GRM8: variants seen among roughly 807,000 people sequenced by gnomAD.
GRM8 encodes metabotropic glutamate receptor 8.
In GRM8, 47 loss-of-function variants were observed where a neutral mutation model predicts 87.2. The ratio of observed to expected loss-of-function variants is 0.54; its 90% CI spans 0.43 to 0.69. The LOEUF (loss-of-function observed/expected upper bound fraction) is 0.69, where lower values mean the gene tolerates loss of function less well. Among genes scored for constraint, GRM8 ranks in the 30% least tolerant of loss-of-function variants. GRM8 has a pLI of 0.00. For missense variants in GRM8, 1,019 were observed against 1,139.2 expected, an observed-to-expected ratio of 0.89 and a Z score of 1.52; for synonymous variants, 396 against 404.5, an observed-to-expected ratio of 0.98 and a Z score of 0.25.
In GRM8 at chr7:127,242,768, T is replaced by C; in HGVS notation, c.437A>G (p.Lys146Arg). 7 of 1,614,188 alleles carry C rather than the reference T, an allele frequency of 4.3e-6. No individual in the cohort carries two copies. Among genetic ancestry groups the C allele is most frequent in the Non-Finnish European group, 5.1e-6 (6 of 1,180,004 alleles). ...TGCAGCACCTATGACGCCAGAAATCTTGTCGGGCTTGGTGAAAATGGGTGG... is the reference window on the plus strand; with the variant it reads ...TGCAGCACCTATGACGCCAGAAATCCTGTCGGGCTTGGTGAAAATGGGTGG... Reference protein sequence around the residue: ...GDPPIFTKPDKISGVIGAAAS... With the variant: ...GDPPIFTKPDRISGVIGAAAS... The change falls in exon 2 of 11, where the codon AAG becomes AGG. Residue 146 changes from lysine to arginine, a missense_variant. By Grantham distance (26) the Lys-to-Arg change is conservative. Transcript: ENST00000339582.
At chr7:126,537,309 A>C (rs1431321608) in intron 8 of GRM8, among the ~76,000 whole-genome samples, 2 of 152,202 alleles carry the variant, frequency 1.3e-5, no homozygotes, top group Non-Finnish European at 2.9e-5. Context: ...ATTTTCATCA[A>C]GGAATCTTTG....
Position 127,134,574 on chromosome 7 carries a change from A to T in GRM8, c.511-27862T>A, listed in dbSNP as rs150316623. On this transcript the variant is annotated intron_variant, in intron 2 of 10. Coordinates refer to ENST00000339582, the MANE Select transcript of GRM8 (RefSeq NM_000845.3). ...GTAAAGATGGTCAAAATATTAATAG[A>T]ATTTGAATTGTAGGAAAGGCAAAAC... Among the ~76,000 whole-genome samples, 8 of 152,332 alleles carry T rather than the reference A, an allele frequency of 5.3e-5. No individual in the cohort carries two copies. In the East Asian group the frequency reaches 1.5e-3, roughly 29 times the overall value.
chr7:127,162,628 T>A (rs1793187635), intron 2 of GRM8, among the ~76,000 whole-genome samples: 1 of 152,170 alleles, frequency 6.6e-6, no homozygotes, highest in Admixed American at 6.5e-5. Context: ...TTTATTTAAC[T>A]AGGCTCTGGA....
chr7:126,680,735 G>C (rs554611347), intron 7 of GRM8, among the ~76,000 whole-genome samples: 1 of 152,196 alleles, frequency 6.6e-6, no homozygotes, highest in Non-Finnish European at 1.5e-5. Context: ...TTGCTTAGGA[G>C]AATGTAAGAA....
chr7:126,827,998 A>G (rs1794988409), intron 6 of GRM8, among the ~76,000 whole-genome samples: 1 of 152,172 alleles, frequency 6.6e-6, no homozygotes, highest in Admixed American at 6.5e-5. Flanking sequence ...GGTTCTGTTT[A>G]TATGCTGGAT....
intron 2 of GRM8, chr7:127,228,799 A>G (rs2116787569): frequency 1.3e-5 from 2 of 152,336 alleles, no homozygotes; most frequent in African/African-American, 4.8e-5. Context: ...GGTTGTTTAA[A>G]ACAAAGTACA....
At position 127,252,855 on chromosome 7, in the gene GRM8, A is replaced by AGCG. The variant is rs1012925837; in HGVS notation, c.-373_-371dup. The AGCG allele has an allele frequency of 1.8e-5, 4 of 218,966 alleles. No individual in the cohort carries two copies. Among genetic ancestry groups the AGCG allele is most frequent in the African/African-American group, 7.2e-5 (3 of 41,910 alleles). 13.6% of individuals were successfully genotyped at this position (218,966 alleles called of 1,614,324 possible). Reference sequence around the variant, plus strand: ...CGCCGGGGGCCCGCAGCTCCATGTCAGCGCCGCCGCCGCCGCCGCCGCCGC... The same window carrying AGCG: ...CGCCGGGGGCCCGCAGCTCCATGTCAGCGGCGCCGCCGCCGCCGCCGCCGCCGC... On this transcript the variant is annotated 5_prime_UTR_variant, in exon 1 of 11. Coordinates refer to ENST00000339582, the MANE Select transcript of GRM8 (RefSeq NM_000845.3). The surrounding 1 kb of genome is among the most constrained non-coding windows in gnomAD (Gnocchi z 4.9).
intron 6 of GRM8, among the ~76,000 whole-genome samples, chr7:126,799,279 A>C (rs1822364546): frequency 6.6e-6 from 1 of 152,086 alleles, no homozygotes; most frequent in Non-Finnish European, 1.5e-5. Flanking sequence ...CCACTCCAGC[A>C]TTTAGTGGAA....
chr7:126,768,926 G>GCAAAAAAAAAAAAAAAA (rs1554485593), intron 7 of GRM8, among the ~76,000 whole-genome samples: 13 of 70,968 alleles, frequency 1.8e-4, no homozygotes, highest in African/African-American at 5.8e-4. Context: ...AAGGAAAAAT[G>GCAAAAAAAAAAAAAAAA]CAAAAAAAAA....
At chr7:127,004,080 T>C (rs1242630106) in intron 3 of GRM8, among the ~76,000 whole-genome samples, 2 of 151,736 alleles carry the variant, frequency 1.3e-5, no homozygotes, top group South Asian at 4.1e-4. Context: ...GTACTCAAAC[T>C]AGGCGAATCC....
In GRM8 at chr7:126,695,070, T is replaced by C. The variant is rs79220374; in HGVS notation, c.1357+74795A>G. Among the ~76,000 whole-genome samples the C allele has an allele frequency of 4.3e-3, 655 of 152,276 alleles. 24 individuals carry two copies. In the East Asian group the frequency reaches 0.084, roughly 19 times the overall value. ...TTAAGCATCTCAGTTTGTACTAGGATTGCATTGATGGGTGGCTTTTCCAAC... is the reference window on the plus strand; with the variant it reads ...TTAAGCATCTCAGTTTGTACTAGGACTGCATTGATGGGTGGCTTTTCCAAC... On this transcript the variant is annotated intron_variant, in intron 7 of 10. Coordinates refer to ENST00000339582, the MANE Select transcript of GRM8 (RefSeq NM_000845.3).
intron 7 of GRM8, among the ~76,000 whole-genome samples, chr7:126,725,205 T>A (rs973534026): frequency 6.6e-6 from 1 of 152,194 alleles, no homozygotes; most frequent in Non-Finnish European, 1.5e-5. Flanking sequence ...AAGAAAGTGA[T>A]CTGTGTGTCA....
rs148696011 is a variant in GRM8, at chr7:126,750,977, T to C, written c.1357+18888A>G. On this transcript the variant is annotated intron_variant, in intron 7 of 10. Coordinates refer to ENST00000339582, the MANE Select transcript of GRM8 (RefSeq NM_000845.3). ...TCCTGGCTTCACCACTTAACTTGTA[T>C]GGGTACTAGATGTATGCTTCAGTTT... Among the ~76,000 whole-genome samples, 798 of 152,226 alleles carry C rather than the reference T, an allele frequency of 5.2e-3. 12 individuals carry two copies. The highest frequency in any genetic ancestry group is 0.018 in the African/African-American group (753 of 41,564).
At chr7:126,761,246 A>G (rs1415258652) in intron 7 of GRM8, among the ~76,000 whole-genome samples, 3 of 125,222 alleles carry the variant, frequency 2.4e-5, no homozygotes, top group Admixed American at 7.9e-5. Flanking sequence ...AGTAGTGTCA[A>G]GTTGATATAT....
intron 9 of GRM8, among the ~76,000 whole-genome samples, chr7:126,516,348 C>A (rs1812160608): frequency 6.6e-6 from 1 of 152,034 alleles, no homozygotes; most frequent in Non-Finnish European, 1.5e-5. Flanking sequence ...AAACCCTGAA[C>A]ATTGTTCCTC....
At position 126,902,655 on chromosome 7, in the gene GRM8, C is replaced by T. The variant is rs758371200; in HGVS notation, c.1043G>A (p.Arg348Gln). The T allele has an allele frequency of 2.3e-5, 37 of 1,606,230 alleles. 1 individual carries two copies. In the South Asian group the frequency reaches 3.1e-4, roughly 14 times the overall value. ...IDGFDRYFRS[R>Q]TLANNRRNVW... ...ATTTCTTCGATTATTGGCAAGAGTT[C>T]GGCTTCTAAAGTATCGATCAAATCC... The change falls in exon 6 of 11, where the codon CGA (arginine) becomes CAA (glutamine). Residue 348 changes from arginine to glutamine, a missense_variant. Coordinates refer to ENST00000339582, the MANE Select transcript of GRM8 (RefSeq NM_000845.3).
chr7:126,755,587 C>G (rs980347904), intron 7 of GRM8, among the ~76,000 whole-genome samples: 9 of 151,910 alleles, frequency 5.9e-5, no homozygotes, highest in Non-Finnish European at 1.2e-4. Flanking sequence ...ACAACTCTGA[C>G]AGCTGTCGTT....
At chr7:126,652,846 G>T (rs1804065698) in intron 7 of GRM8, among the ~76,000 whole-genome samples, 1 of 151,906 alleles carries the variant, frequency 6.6e-6, no homozygotes, top group South Asian at 2.1e-4. Flanking sequence ...AATACAGAAG[G>T]CTTACACTCT....
intron 2 of GRM8, among the ~76,000 whole-genome samples, chr7:127,176,496 T>A (rs941773304): frequency 3.9e-5 from 6 of 152,176 alleles, no homozygotes; most frequent in African/African-American, 1.4e-4. Flanking sequence ...AGGACTAGAT[T>A]ACAGCTCCAG....
Sources: allele counts gnomAD v4.1 joint callset (sites outside exome capture counted in the v4.1 genomes callset), GRCh38; gene constraint gnomAD v4.1.1; non-coding constraint Gnocchi (gnomAD v3.1); transcripts MANE v1.5; gene names NCBI Gene and HGNC (gene_info 2026-07-23, HGNC 2026-07-21).